Variants in RALGPS1 observed in about 807,000 individuals in gnomAD.
RALGPS1 encodes the protein Ral GEF with PH domain and SH3 binding motif 1.
A neutral mutation model predicts 78.8 loss-of-function variants in RALGPS1; 19 were observed. The ratio of observed to expected loss-of-function variants is 0.24; its 90% confidence interval spans 0.17 to 0.35. The LOEUF (loss-of-function observed/expected upper bound fraction) is 0.35, where lower values mean the gene tolerates loss of function less well. Among genes scored for constraint, RALGPS1 ranks in the 10% least tolerant of loss-of-function variants. The pLI, the probability that RALGPS1 is intolerant of heterozygous loss-of-function variation, is 1.00. For synonymous variants in RALGPS1, 228 were observed against 256.3 expected, an observed-to-expected ratio of 0.89 and a Z score of 1.06; for missense variants, 454 against 688.3, an observed-to-expected ratio of 0.66 and a Z score of 3.81.
chr9:126,930,255 G>T (rs1336498526), intron 1 of RALGPS1, among the ~76,000 whole-genome samples: 5 of 150,180 alleles, frequency 3.3e-5, no homozygotes, highest in African/African-American at 1.2e-4. Context: ...AATATGTATT[G>T]AATGGGTAAG....
chr9:127,147,619 A>G (rs976065360), intron 8 of RALGPS1, among the ~76,000 whole-genome samples: 5 of 152,244 alleles, frequency 3.3e-5, no homozygotes, highest in Non-Finnish European at 7.3e-5. Flanking sequence ...TCCCAGCAGC[A>G]TTTATTGAGT....
At chr9:126,980,265 T>G (rs1332594263) in intron 4 of RALGPS1, among the ~76,000 whole-genome samples, 1 of 152,188 alleles carries the variant, frequency 6.6e-6, no homozygotes, top group East Asian at 1.9e-4. Context: ...CAATTTTAAG[T>G]ATGCAGAGGC....
At position 127,222,901 on chromosome 9, in the gene RALGPS1, C is replaced by T. The variant is rs1387641175; in HGVS notation, c.*4132C>T. 1 of 152,616 alleles carries T rather than the reference C, an allele frequency of 6.6e-6. No individual in the cohort carries two copies. Among genetic ancestry groups the T allele is most frequent in the East Asian group, 1.9e-4 (1 of 5,200 alleles). 9.5% of individuals were successfully genotyped at this position (152,616 alleles called of 1,614,324 possible). On this transcript the variant is annotated 3_prime_UTR_variant, in exon 19 of 19. Transcript: ENST00000259351. ...AATCTGTTGCACTCTCCTGGGCTGT[C>T]TTTTTCTCCAGCAGACCCCTGCATG...
chr9:126,992,182 G>A (rs1387516700), intron 4 of RALGPS1, among the ~76,000 whole-genome samples: 1 of 152,202 alleles, frequency 6.6e-6, no homozygotes, highest in African/African-American at 2.4e-5. Flanking sequence ...CTCAGTTTCT[G>A]TATCAGTAAA....
At chr9:127,104,631 C>T (rs2054042317) in intron 8 of RALGPS1, among the ~76,000 whole-genome samples, 1 of 152,248 alleles carries the variant, frequency 6.6e-6, no homozygotes, top group Non-Finnish European at 1.5e-5. Context: ...GTAGGCCATC[C>T]TGGCCTGGGA....
At chr9:127,189,592 G>A (rs557938163) in intron 11 of RALGPS1, among the ~76,000 whole-genome samples, 4 of 152,330 alleles carry the variant, frequency 2.6e-5, no homozygotes, top group Admixed American at 6.5e-5. Context: ...AAATGTGAAG[G>A]CACTACAGGG....
At chr9:127,032,240 G>A (rs1045338477) in intron 4 of RALGPS1, among the ~76,000 whole-genome samples, 3 of 152,352 alleles carry the variant, frequency 2.0e-5, no homozygotes, top group Middle Eastern at 3.4e-3. Flanking sequence ...GCATTGTGCA[G>A]CTGGTGTGTG....
intron 8 of RALGPS1, among the ~76,000 whole-genome samples, chr9:127,085,316 G>A (rs569565786): frequency 2.6e-5 from 4 of 152,192 alleles, no homozygotes; most frequent in East Asian, 1.9e-4. Flanking sequence ...CCACCATGGC[G>A]AACTTAGTAA....
chr9:127,033,314 C>A (rs886564963), intron 4 of RALGPS1, among the ~76,000 whole-genome samples: 4 of 152,146 alleles, frequency 2.6e-5, no homozygotes, highest in African/African-American at 9.7e-5. Flanking sequence ...CCCACCAAGC[C>A]CCTGTCTGTG....
rs1328907347 is a variant in RALGPS1, at chr9:127,166,201, G to C, written c.743G>C (p.Ser248Thr). 1 of 1,613,208 alleles carries C rather than the reference G, an allele frequency of 6.2e-7. No individual in the cohort carries two copies. Among genetic ancestry groups the C allele is most frequent in the Non-Finnish European group, 8.5e-7 (1 of 1,179,826 alleles). ...RIIADLQVSC[S>T]YDHLTTLPHV... ...ATTGCTGATTTACAAGTTTCCTGCA[G>C]CTATGGTTAGTACCCTTGTTGTTAG... Residue 248 changes from serine to threonine, a missense_variant, in exon 9 of 19, where the codon AGC becomes ACC. Physicochemically the swap from Ser to Thr is moderately conservative, Grantham distance 58. Transcript: ENST00000259351.
intron 5 of RALGPS1, among the ~76,000 whole-genome samples, chr9:127,035,057 T>C (rs748808624): frequency 2.0e-5 from 3 of 152,124 alleles, no homozygotes; most frequent in Non-Finnish European, 4.4e-5. Context: ...CTGTGATCCT[T>C]TACTAATTTG....
intron 11 of RALGPS1, among the ~76,000 whole-genome samples, chr9:127,189,071 C>G (rs1208858121): frequency 6.7e-6 from 1 of 149,922 alleles, no homozygotes; most frequent in Non-Finnish European, 1.5e-5. Flanking sequence ...ACAGCCAGGC[C>G]AGGGACACAC....
chr9:127,140,541 A>T (rs2057701524), intron 8 of RALGPS1, among the ~76,000 whole-genome samples: 1 of 152,186 alleles, frequency 6.6e-6, no homozygotes, highest in Non-Finnish European at 1.5e-5. Flanking sequence ...CCACCAACAG[A>T]ACATTCCACC....
intron 11 of RALGPS1, among the ~76,000 whole-genome samples, chr9:127,181,940 C>A (rs948384811): frequency 3.3e-5 from 5 of 151,916 alleles, no homozygotes; most frequent in African/African-American, 1.2e-4. Context: ...GAATAATGGG[C>A]CACAACTGGC....
intron 1 of RALGPS1, among the ~76,000 whole-genome samples, chr9:126,921,221 C>T (rs1440451863): frequency 6.6e-6 from 1 of 152,122 alleles, no homozygotes; most frequent in Non-Finnish European, 1.5e-5. Context: ...AAGGTCAAGT[C>T]GTCTGAGAGA....
chr9:126,987,790 GC>G (rs2041938070), intron 4 of RALGPS1, among the ~76,000 whole-genome samples: 1 of 152,188 alleles, frequency 6.6e-6, no homozygotes, highest in Admixed American at 6.5e-5. Flanking sequence ...TGTGCTAAAT[GC>G]TGGAGAAACG....
intron 8 of RALGPS1, among the ~76,000 whole-genome samples, chr9:127,160,621 G>T (rs1229523626): frequency 6.6e-6 from 1 of 152,150 alleles, no homozygotes; most frequent in East Asian, 1.9e-4. Context: ...AGTGTCCTGG[G>T]GATTGGGGGA....
chr9:126,934,157 A>T (rs1170760757), intron 1 of RALGPS1, among the ~76,000 whole-genome samples: 1 of 152,044 alleles, frequency 6.6e-6, no homozygotes, highest in African/African-American at 2.4e-5. Context: ...CCAAATGTGG[A>T]TGCGTGGGAA....
chr9:127,048,736 T>C (rs1201582777), intron 5 of RALGPS1, among the ~76,000 whole-genome samples: 1 of 152,232 alleles, frequency 6.6e-6, no homozygotes, highest in East Asian at 1.9e-4. Context: ...TATTAAAATA[T>C]AAGGTTTATG....
Sources: gnomAD v4.1 joint callset for allele counts (sites outside exome capture counted in the v4.1 genomes callset) on GRCh38, gnomAD v4.1.1 for gene constraint, MANE v1.5 for transcripts, NCBI Gene and HGNC (gene_info 2026-07-23, HGNC 2026-07-21) for gene names.